SLC24A3: variants seen among roughly 807,000 people sequenced by gnomAD.
SLC24A3 encodes solute carrier family 24 member 3.
Under a neutral mutation model 75.8 loss-of-function variants are expected in SLC24A3, and 28 were observed. The ratio of observed to expected loss-of-function variants is 0.37; its 90% confidence interval spans 0.27 to 0.51. SLC24A3 has a LOEUF of 0.51. Among genes scored for constraint, SLC24A3 ranks in the 20% least tolerant of loss-of-function variants. The pLI, the probability that SLC24A3 is intolerant of heterozygous loss-of-function variation, is 0.94. For missense variants in SLC24A3, 663 were observed against 847.8 expected (o/e 0.78, Z 2.71); for synonymous variants, 372 against 334.1 (o/e 1.11, Z -1.24).
chr20:19,603,000 G>A (rs1023341607), intron 6 of SLC24A3, among the ~76,000 whole-genome samples: 1 of 152,230 alleles, frequency 6.6e-6, no homozygotes, highest in Non-Finnish European at 1.5e-5. Flanking sequence ...GGTGCATGTG[G>A]AGTTAAGTCC....
intron 3 of SLC24A3, among the ~76,000 whole-genome samples, chr20:19,544,421 A>C (rs984406155): frequency 3.9e-5 from 6 of 152,222 alleles, no homozygotes; most frequent in Non-Finnish European, 7.3e-5. Context: ...ACACAGCAAG[A>C]GAATCAACAG....
chr20:19,234,073 T>C (rs1982099577), intron 1 of SLC24A3, among the ~76,000 whole-genome samples: 1 of 152,240 alleles, frequency 6.6e-6, no homozygotes, highest in South Asian at 2.1e-4. Flanking sequence ...AGAATTACTT[T>C]TGTAAATGTT....
At chr20:19,273,051 C>A (rs1983378202) in intron 1 of SLC24A3, among the ~76,000 whole-genome samples, 1 of 152,186 alleles carries the variant, frequency 6.6e-6, no homozygotes, top group African/African-American at 2.4e-5. Flanking sequence ...TTGCCTCGAT[C>A]TGCCCAACAA....
chr20:19,275,159 C>T (rs1418833669), intron 1 of SLC24A3, among the ~76,000 whole-genome samples: 1 of 152,086 alleles, frequency 6.6e-6, no homozygotes, highest in African/African-American at 2.4e-5. Flanking sequence ...GTTAATACGT[C>T]CTCTCAAAAG....
chr20:19,530,558 G>A (rs1276220656), intron 3 of SLC24A3, among the ~76,000 whole-genome samples: 2 of 152,142 alleles, frequency 1.3e-5, no homozygotes, highest in Non-Finnish European at 2.9e-5. Flanking sequence ...CAGGGTTTTG[G>A]CTTCTTCATC....
intron 8 of SLC24A3, among the ~76,000 whole-genome samples, chr20:19,666,135 T>G (rs1328408272): frequency 6.6e-6 from 1 of 152,168 alleles, no homozygotes; most frequent in Non-Finnish European, 1.5e-5. Context: ...TAAATGTCTT[T>G]ATTATCCTAT....
intron 2 of SLC24A3, among the ~76,000 whole-genome samples, chr20:19,325,792 A>ATG (rs1568589875): frequency 1.5e-4 from 14 of 95,246 alleles, no homozygotes; most frequent in African/African-American, 4.6e-4. Context: ...ATATATATAT[A>ATG]TATAGAGAGA....
At chr20:19,597,288 A>G (rs959718515) in intron 6 of SLC24A3, among the ~76,000 whole-genome samples, 2 of 152,102 alleles carry the variant, frequency 1.3e-5, no homozygotes, top group East Asian at 3.9e-4. Flanking sequence ...TTGGGAGGCT[A>G]AGGTGGGAGG....
chr20:19,637,833 C>T (rs2032019486), intron 6 of SLC24A3, among the ~76,000 whole-genome samples: 1 of 152,096 alleles, frequency 6.6e-6, no homozygotes, highest in African/African-American at 2.4e-5. Context: ...CTCCCGAAAG[C>T]TAATGGTATG....
chr20:19,283,713 C>T (rs1395127090), intron 2 of SLC24A3, among the ~76,000 whole-genome samples: 2 of 152,234 alleles, frequency 1.3e-5, no homozygotes, highest in African/African-American at 4.8e-5. Context: ...CTCAGAGTCT[C>T]TGTGTGCTTC....
At chr20:19,348,339 A>G (rs1985479152) in intron 2 of SLC24A3, among the ~76,000 whole-genome samples, 1 of 152,216 alleles carries the variant, frequency 6.6e-6, no homozygotes, top group Non-Finnish European at 1.5e-5. Flanking sequence ...CACCTCCGAT[A>G]GATTCTCCCA....
intron 1 of SLC24A3, among the ~76,000 whole-genome samples, chr20:19,253,899 T>C (rs1296342010): frequency 1.3e-5 from 2 of 152,150 alleles, no homozygotes; most frequent in Non-Finnish European, 2.9e-5. Flanking sequence ...CTAGTGTGCA[T>C]GTTCCATGTC....
chr20:19,483,460 TA>T (rs777847186), intron 2 of SLC24A3, among the ~76,000 whole-genome samples: 6 of 151,918 alleles, frequency 3.9e-5, no homozygotes, highest in Non-Finnish European at 7.4e-5. Context: ...GGCTGTGGAG[TA>T]ATTGTGTGTG....
At chr20:19,435,047 G>C (rs1222446565) in intron 2 of SLC24A3, among the ~76,000 whole-genome samples, 1 of 152,194 alleles carries the variant, frequency 6.6e-6, no homozygotes, top group East Asian at 1.9e-4. Context: ...ACAGATACTT[G>C]TTGATCAACT....
At chr20:19,594,610 A>G (rs960359696) in intron 6 of SLC24A3, among the ~76,000 whole-genome samples, 1 of 152,224 alleles carries the variant, frequency 6.6e-6, no homozygotes, top group African/African-American at 2.4e-5. Context: ...GGCACTAGAG[A>G]AAAAATTACA....
At chr20:19,520,942 T>C (rs1043073931) in intron 3 of SLC24A3, among the ~76,000 whole-genome samples, 2 of 152,212 alleles carry the variant, frequency 1.3e-5, no homozygotes, top group African/African-American at 2.4e-5. Context: ...TGATTAGCAT[T>C]GGAGGGCAGC....
intron 6 of SLC24A3, among the ~76,000 whole-genome samples, chr20:19,622,746 T>G (rs2122677543): frequency 6.6e-6 from 1 of 152,288 alleles, no homozygotes; most frequent in East Asian, 1.9e-4. Context: ...TACCTGAGGC[T>G]GGGTAATTTA....
chr20:19,422,811 CA>C (rs1353630511), intron 2 of SLC24A3, among the ~76,000 whole-genome samples: 1 of 152,190 alleles, frequency 6.6e-6, no homozygotes, highest in Non-Finnish European at 1.5e-5. Context: ...CACCTCTTTA[CA>C]AAACCCCACC....
At chr20:19,565,100 C>T (rs929277225) in intron 3 of SLC24A3, among the ~76,000 whole-genome samples, 1 of 152,222 alleles carries the variant, frequency 6.6e-6, no homozygotes, top group Non-Finnish European at 1.5e-5. Context: ...CCAACACACC[C>T]GGCTTCCATC....
Sources: gnomAD v4.1 joint callset for allele counts (sites outside exome capture counted in the v4.1 genomes callset) on GRCh38, gnomAD v4.1.1 for gene constraint, MANE v1.5 for transcripts, NCBI Gene and HGNC (gene_info 2026-07-23, HGNC 2026-07-21) for gene names.